Variants in NOVA1 observed in about 807,000 individuals in gnomAD.
The protein encoded by NOVA1 is NOVA alternative splicing regulator 1, also known as RNA-binding protein Nova-1.
A neutral mutation model predicts 38.0 loss-of-function variants in NOVA1; 7 were observed. The ratio of observed to expected loss-of-function variants is 0.18; its 90% CI spans 0.10 to 0.35. NOVA1 has a LOEUF of 0.35. Among genes scored for constraint, NOVA1 ranks in the 10% least tolerant of loss-of-function variants. The probability of loss-of-function intolerance (pLI) is 1.00; values close to 1 mark genes in which losing one functional copy is unlikely to be tolerated. For synonymous variants in NOVA1, 270 were observed against 232.5 expected, an observed-to-expected ratio of 1.16 and a Z score of -1.47; for missense variants, 460 against 616.0, an observed-to-expected ratio of 0.75 and a Z score of 2.68.
intron 2 of NOVA1, among the ~76,000 whole-genome samples, chr14:26,591,574 C>T (rs975790309): frequency 1.3e-5 from 2 of 151,616 alleles, no homozygotes; most frequent in Non-Finnish European, 3.0e-5. Flanking sequence ...TTCATATGTA[C>T]TACCAATATC....
In NOVA1 at chr14:26,448,614, C is replaced by G. The variant is rs756829239; in HGVS notation, c.869G>C (p.Gly290Ala). 6.2e-7 allele frequency: 1 copy of G among 1,614,236 alleles called. No individual in the cohort carries two copies. The highest frequency in any genetic ancestry group is 8.5e-7 in the Non-Finnish European group (1 of 1,180,046). ...TGCAACGCCAGCAAGGTTAGCATGT[C>G]CTAATAGCCCTGCAGCTGCTGCAGC... ...PTAAAAAGLL[G>A]HANLAGVAAF... Residue 290 changes from glycine (G) to alanine (A), a missense_variant, in exon 5 of 5, where the codon GGA (glycine) becomes GCA (alanine). Physicochemically the swap from Gly to Ala is moderately conservative, Grantham distance 60. Transcript: ENST00000539517. The surrounding 1 kb of genome is among the most constrained non-coding windows in gnomAD (Gnocchi z 5.3).
chr14:26,596,874 A>C, intron 1 of NOVA1: 1 of 1,135,634 alleles, frequency 8.8e-7, no homozygotes, highest in Middle Eastern at 4.1e-4. Context: ...GCAATCCGCT[A>C]CCCAAGTGCC....
At chr14:26,579,327 T>C (rs926856338) in intron 2 of NOVA1, among the ~76,000 whole-genome samples, 3 of 152,270 alleles carry the variant, frequency 2.0e-5, no homozygotes, top group African/African-American at 7.2e-5. Context: ...AATGCTGGGA[T>C]TGCAGGCATG....
At chr14:26,584,410 T>A (rs1052944601) in intron 2 of NOVA1, among the ~76,000 whole-genome samples, 1 of 151,554 alleles carries the variant, frequency 6.6e-6, no homozygotes, top group African/African-American at 2.4e-5. Context: ...ATATATTTTT[T>A]AATTACAGTA....
At chr14:26,578,003 A>G (rs1476372644) in intron 2 of NOVA1, among the ~76,000 whole-genome samples, 2 of 152,030 alleles carry the variant, frequency 1.3e-5, no homozygotes, top group Admixed American at 6.5e-5. Flanking sequence ...AAATGAGAAA[A>G]AAAAAAACAG....
chr14:26,507,534 T>A (rs1887735765), intron 2 of NOVA1, among the ~76,000 whole-genome samples: 1 of 152,212 alleles, frequency 6.6e-6, no homozygotes, highest in Non-Finnish European at 1.5e-5. Flanking sequence ...AAGTTTTGAT[T>A]AATCAGTATA....
At chr14:26,496,412 G>A (rs576195317) in intron 2 of NOVA1, among the ~76,000 whole-genome samples, 36 of 152,160 alleles carry the variant, frequency 2.4e-4, no homozygotes, top group African/African-American at 8.4e-4. Context: ...CAGATGCGTA[G>A]GTTGCAAAAA....
intron 2 of NOVA1, among the ~76,000 whole-genome samples, chr14:26,533,961 T>A (rs918757983): frequency 6.6e-6 from 1 of 152,216 alleles, no homozygotes; most frequent in Admixed American, 6.5e-5. Context: ...GACTGCTGTA[T>A]GTGATATTTC....
chr14:26,519,123 T>C (rs982968300), intron 2 of NOVA1: 1 of 152,124 alleles, frequency 6.6e-6, no homozygotes, highest in African/African-American at 2.4e-5. Context: ...CTCGTGAAAT[T>C]AGTATTTTTG....
At chr14:26,481,479 C>G (rs900535803) in intron 2 of NOVA1, among the ~76,000 whole-genome samples, 1 of 151,796 alleles carries the variant, frequency 6.6e-6, no homozygotes, top group African/African-American at 2.4e-5. Context: ...TTCTAGAAGA[C>G]AGAATTAGAT....
At chr14:26,493,452 T>C (rs1490618418) in intron 2 of NOVA1, among the ~76,000 whole-genome samples, 1 of 152,214 alleles carries the variant, frequency 6.6e-6, no homozygotes, top group Non-Finnish European at 1.5e-5. Flanking sequence ...TTCTGAATTA[T>C]TAAAATGCTA....
At chr14:26,469,435 G>A (rs967927007) in intron 4 of NOVA1, among the ~76,000 whole-genome samples, 2 of 152,118 alleles carry the variant, frequency 1.3e-5, no homozygotes, top group Admixed American at 6.5e-5. Context: ...TATTTACTAC[G>A]TTAAAGAATA....
intron 2 of NOVA1, among the ~76,000 whole-genome samples, chr14:26,585,471 T>C (rs1893460810): frequency 6.6e-6 from 1 of 151,254 alleles, no homozygotes; most frequent in Non-Finnish European, 1.5e-5. Flanking sequence ...GGGAAGAAGA[T>C]ATTAAAATAT....
chr14:26,512,431 C>T (rs1472415708), intron 2 of NOVA1, among the ~76,000 whole-genome samples: 1 of 152,172 alleles, frequency 6.6e-6, no homozygotes, highest in African/African-American at 2.4e-5. Context: ...CAACTCACCA[C>T]CTGTTTTTGT....
intron 2 of NOVA1, among the ~76,000 whole-genome samples, chr14:26,576,083 C>A (rs1299133676): frequency 6.6e-6 from 1 of 151,152 alleles, no homozygotes; most frequent in African/African-American, 2.4e-5. Context: ...AAGGTATAAT[C>A]CTCAAATAGA....
intron 2 of NOVA1, among the ~76,000 whole-genome samples, chr14:26,575,840 G>A (rs894719401): frequency 6.6e-6 from 1 of 151,690 alleles, no homozygotes; most frequent in East Asian, 1.9e-4. Context: ...TGGAAAATAA[G>A]ATAAATGTTT....
intron 2 of NOVA1, among the ~76,000 whole-genome samples, chr14:26,525,810 T>C (rs1452267597): frequency 6.6e-6 from 1 of 152,096 alleles, no homozygotes; most frequent in East Asian, 1.9e-4. Flanking sequence ...TTTTCATCTC[T>C]ACTCTTTTTC....
chr14:26,469,839 G>A (rs1233418050), intron 4 of NOVA1, among the ~76,000 whole-genome samples: 1 of 152,116 alleles, frequency 6.6e-6, no homozygotes, highest in Non-Finnish European at 1.5e-5. Context: ...GGCCTCAAGT[G>A]ATTCTCCTGC....
intron 2 of NOVA1, among the ~76,000 whole-genome samples, chr14:26,564,219 A>C (rs938994334): frequency 5.3e-5 from 8 of 152,124 alleles, no homozygotes; most frequent in Non-Finnish European, 8.8e-5. Flanking sequence ...CATTTCATAA[A>C]AATTGTGGAT....
Sources: gnomAD v4.1 joint callset for allele counts (sites outside exome capture counted in the v4.1 genomes callset) on GRCh38, gnomAD v4.1.1 for gene constraint, Gnocchi (gnomAD v3.1) non-coding constraint, MANE v1.5 for transcripts, NCBI Gene and HGNC (gene_info 2026-07-23, HGNC 2026-07-21) for gene names.